The following SLC4A4 variants were observed in gnomAD, a reference collection of about 807,000 sequenced individuals.
SLC4A4 encodes the protein solute carrier family 4 member 4.
A neutral mutation model predicts 111.5 loss-of-function variants in SLC4A4; 27 were observed. The observed-to-expected ratio is 0.24, with a 90% CI of 0.18 to 0.33. SLC4A4 has a LOEUF of 0.33. Ranked by LOEUF, SLC4A4 falls within the 10% of genes least tolerant of loss-of-function variation. The probability of loss-of-function intolerance (pLI) is 1.00; values close to 1 mark genes in which losing one functional copy is unlikely to be tolerated. For missense variants in SLC4A4, 909 were observed against 1,315.5 expected (o/e 0.69, Z 4.78); for synonymous variants, 443 against 463.4 (o/e 0.96, Z 0.57).
intron 14 of SLC4A4, among the ~76,000 whole-genome samples, chr4:71,483,282 C>CTTGGTT: frequency 6.6e-6 from 1 of 151,574 alleles, no homozygotes; most frequent in Non-Finnish European, 1.5e-5. Flanking sequence ...AGTATTAAGC[C>CTTGGTT]AAGTACCCAT....
At chr4:71,080,718 TG>T (rs1364493332) in intron 1 of SLC4A4, among the ~76,000 whole-genome samples, 2 of 152,074 alleles carry the variant, frequency 1.3e-5, no homozygotes, top group Non-Finnish European at 2.9e-5. Context: ...AGGCTAACTC[TG>T]GTGACTGTTA....
chr4:71,445,623 G>A (rs1408860676), intron 8 of SLC4A4, among the ~76,000 whole-genome samples: 1 of 152,118 alleles, frequency 6.6e-6, no homozygotes, highest in Non-Finnish European at 1.5e-5. Context: ...TTGTGGCACA[G>A]CATCTGCCCC....
intron 2 of SLC4A4, among the ~76,000 whole-genome samples, chr4:71,253,113 T>C (rs1418338039): frequency 1.3e-5 from 2 of 152,160 alleles, no homozygotes; most frequent in African/African-American, 2.4e-5. Context: ...AGAGGATGCC[T>C]ATCATCACGA....
At chr4:71,510,815 C>T (rs1333494686) in intron 16 of SLC4A4, among the ~76,000 whole-genome samples, 1 of 151,650 alleles carries the variant, frequency 6.6e-6, no homozygotes. Flanking sequence ...TGTTGTTTTC[C>T]TTTGTGATTA....
At chr4:71,507,206 C>A (rs1578069558) in intron 16 of SLC4A4, among the ~76,000 whole-genome samples, 1 of 152,132 alleles carries the variant, frequency 6.6e-6, no homozygotes, top group South Asian at 2.1e-4. Context: ...AAATAACCAG[C>A]TAATATCATG....
chr4:71,163,519 C>G (rs1744661632), intron 2 of SLC4A4, among the ~76,000 whole-genome samples: 3 of 152,186 alleles, frequency 2.0e-5, no homozygotes, highest in Admixed American at 6.6e-5. Flanking sequence ...TCTCAGTCGG[C>G]TTCAACACAG....
At chr4:71,555,619 T>C (rs1453476) in intron 21 of SLC4A4, among the ~76,000 whole-genome samples, 129,826 of 151,950 alleles carry the variant, frequency 0.85, 56,917 homozygotes, top group Non-Finnish European at 0.96. Context: ...GCTTTTCACA[T>C]GGCTATGATC....
At chr4:71,206,798 G>GATT (rs368280879) in intron 1 of SLC4A4, among the ~76,000 whole-genome samples, 1,806 of 150,332 alleles carry the variant, frequency 0.012, 20 homozygotes, top group East Asian at 0.031. Flanking sequence ...CATTCATTTT[G>GATT]ATTATTATTA....
At chr4:71,281,809 A>G (rs763976809) in intron 3 of SLC4A4, among the ~76,000 whole-genome samples, 3 of 152,242 alleles carry the variant, frequency 2.0e-5, no homozygotes, top group Non-Finnish European at 4.4e-5. Context: ...ATAATGCCAC[A>G]CTAAATATAG....
chr4:71,329,313 G>A (rs1462339834), intron 3 of SLC4A4, among the ~76,000 whole-genome samples: 1 of 151,926 alleles, frequency 6.6e-6, no homozygotes, highest in East Asian at 1.9e-4. Context: ...GGTCTTTTGT[G>A]GTTCCATATA....
At chr4:71,447,620 C>G in intron 8 of SLC4A4, 26 bp from the exon 9 acceptor site, 1 of 1,386,368 alleles carries the variant, frequency 7.2e-7, no homozygotes, top group Non-Finnish European at 1.0e-6. Context: ...TGTGTTATAG[C>G]CTTTGCTTCT....
At chr4:71,438,699 A>G (rs2149053794) in intron 7 of SLC4A4, among the ~76,000 whole-genome samples, 1 of 152,234 alleles carries the variant, frequency 6.6e-6, no homozygotes, top group Non-Finnish European at 1.5e-5. Context: ...CTTTAATAAC[A>G]TTTATTCAAA....
intron 2 of SLC4A4, among the ~76,000 whole-genome samples, chr4:71,101,831 C>G (rs1394470251): frequency 6.6e-6 from 1 of 151,890 alleles, no homozygotes; most frequent in Non-Finnish European, 1.5e-5. Context: ...AAAAACAGAA[C>G]AGAAAAACGG....
intron 6 of SLC4A4, among the ~76,000 whole-genome samples, chr4:71,380,592 A>G (rs1718038544): frequency 6.6e-6 from 1 of 152,244 alleles, no homozygotes; most frequent in Non-Finnish European, 1.5e-5. Context: ...ACATAAATGC[A>G]GAACCAACCC....
At chr4:71,245,354 G>A (rs747028304) in intron 2 of SLC4A4, among the ~76,000 whole-genome samples, 96 of 152,314 alleles carry the variant, frequency 6.3e-4, no homozygotes, top group Non-Finnish European at 1.3e-3. Context: ...GCTGCTGGAT[G>A]GAGACAGTGT....
At chr4:71,253,968 C>T (rs115897379) in intron 2 of SLC4A4, among the ~76,000 whole-genome samples, 2,595 of 152,194 alleles carry the variant, frequency 0.017, 59 homozygotes, top group African/African-American at 0.054. Flanking sequence ...TTGAAGCCTG[C>T]CAATTTAAGG....
chr4:71,491,752 G>T (rs1467477024), intron 15 of SLC4A4, among the ~76,000 whole-genome samples: 1 of 151,618 alleles, frequency 6.6e-6, no homozygotes, highest in Non-Finnish European at 1.5e-5. Flanking sequence ...TTTAATATTA[G>T]AAATGTTTTG....
At position 71,236,036 on chromosome 4, in the gene SLC4A4, A is replaced by T. The variant is rs1420175400; in HGVS notation, c.-1-540A>T. 3.0e-6 allele frequency: 3 copies of T among 993,054 alleles called. No individual in the cohort carries two copies. The East Asian group carries it at 3.3e-4, about 108-fold the overall frequency. 61.5% of individuals were successfully genotyped at this position (993,054 alleles called of 1,614,324 possible). On this transcript the variant is annotated intron_variant, in intron 1 of 25. Transcript: ENST00000264485. ...AATACTGGGCTGTGCTGATATTAAG[A>T]GGCTGGCTGGAAGCTAGGCTCCCAC...
At chr4:71,381,354 G>A (rs1426634544) in intron 6 of SLC4A4, among the ~76,000 whole-genome samples, 1 of 152,104 alleles carries the variant, frequency 6.6e-6, no homozygotes, top group African/African-American at 2.4e-5. Flanking sequence ...AATAATTTTT[G>A]TCTGAGTTTC....
Sources: allele counts gnomAD v4.1 joint callset (sites outside exome capture counted in the v4.1 genomes callset), GRCh38; gene constraint gnomAD v4.1.1; transcripts MANE v1.5; gene names NCBI Gene and HGNC (gene_info 2026-07-23, HGNC 2026-07-21).